The following LIPC variants were observed in gnomAD, a reference collection of about 807,000 sequenced individuals.
The protein encoded by LIPC is hepatic triacylglycerol lipase.
Under a neutral mutation model 50.7 loss-of-function variants are expected in LIPC, and 44 were observed. The observed-to-expected ratio is 0.87, with a 90% CI of 0.68 to 1.11. The LOEUF is 1.11. Among genes scored for constraint, LIPC ranks in the 50% most tolerant of loss-of-function variants. The pLI, the probability that LIPC is intolerant of heterozygous loss-of-function variation, is 0.00. For synonymous variants in LIPC, 271 were observed against 256.4 expected (o/e 1.06, Z -0.54); for missense variants, 697 against 648.2 (o/e 1.08, Z -0.82).
At position 58,561,094 on chromosome 15, in the gene LIPC, A is replaced by T. The variant is rs546538665; in HGVS notation, c.1169+113A>T. 8.4e-4 allele frequency: 631 copies of T among 754,476 alleles called. 2 individuals are homozygous for T. The African/African-American group carries it at 9.2e-3, about 11-fold the overall frequency. The allele number at this position is 754,476 out of a possible 1,614,324, so 46.7% of individuals were successfully genotyped here. A position where few individuals can be genotyped will look rare whatever the true frequency, so the allele number is the denominator to read the frequency against. ...GCCAGCTACAACTACTTTATTCCAG[A>T]CGCAAACCAAAAACTATCTGAGACA... On this transcript the variant is annotated intron_variant, in intron 7 of 8. Coordinates refer to ENST00000299022, the MANE Select transcript of LIPC (RefSeq NM_000236.3).
chr15:58,504,189 G>A (rs75820502), intron 1 of LIPC, among the ~76,000 whole-genome samples: 106 of 152,234 alleles, frequency 7.0e-4, no homozygotes, highest in African/African-American at 2.4e-3. Context: ...AAGATTCTAG[G>A]CCCACCAGCA....
intron 7 of LIPC, among the ~76,000 whole-genome samples, chr15:58,562,725 C>G (rs1487285495): frequency 6.6e-6 from 1 of 152,146 alleles, no homozygotes; most frequent in Non-Finnish European, 1.5e-5. Flanking sequence ...TCTGGATGCT[C>G]ACAACCTGGC....
chr15:58,495,995 A>G (rs1318232970), intron 1 of LIPC, among the ~76,000 whole-genome samples: 1 of 152,192 alleles, frequency 6.6e-6, no homozygotes, highest in Non-Finnish European at 1.5e-5. Context: ...TCCAGATAAG[A>G]AAAGGGAAGC....
At chr15:58,562,052 C>T (rs1894183321) in intron 7 of LIPC, among the ~76,000 whole-genome samples, 1 of 152,208 alleles carries the variant, frequency 6.6e-6, no homozygotes, top group Non-Finnish European at 1.5e-5. Context: ...CTAGCTCTTA[C>T]CTACAGCAGA....
chr15:58,463,917 C>A (rs1894443539), intron 1 of LIPC, among the ~76,000 whole-genome samples: 1 of 151,868 alleles, frequency 6.6e-6, no homozygotes, highest in Non-Finnish European at 1.5e-5. Flanking sequence ...CACTTCTGAC[C>A]CGAAAAGCAA....
At chr15:58,432,473 G>A (rs749525174) in intron 1 of LIPC, 5 of 318,226 alleles carry the variant, frequency 1.6e-5, no homozygotes, top group East Asian at 1.5e-4. Flanking sequence ...ATTTGCAACC[G>A]GGGAGCCAGG....
At chr15:58,469,378 T>C (rs1279335623) in intron 1 of LIPC, among the ~76,000 whole-genome samples, 1 of 152,142 alleles carries the variant, frequency 6.6e-6, no homozygotes, top group Admixed American at 6.5e-5. Context: ...TCTCAACCAT[T>C]TAGAGTACTG....
chr15:58,528,305 C>T (rs1892852832), intron 1 of LIPC, among the ~76,000 whole-genome samples: 2 of 152,180 alleles, frequency 1.3e-5, no homozygotes, highest in South Asian at 4.1e-4. Flanking sequence ...CTCACTCTCA[C>T]TTTTCTTTTT....
intron 8 of LIPC, among the ~76,000 whole-genome samples, chr15:58,564,386 C>T (rs1894286265): frequency 6.6e-6 from 1 of 151,992 alleles, no homozygotes; most frequent in African/African-American, 2.4e-5. Flanking sequence ...TCTCCCGTGG[C>T]CCCAAAGTCT....
At chr15:58,543,127 A>G (rs1893394541) in intron 4 of LIPC, among the ~76,000 whole-genome samples, 1 of 151,842 alleles carries the variant, frequency 6.6e-6, no homozygotes, top group Non-Finnish European at 1.5e-5. Context: ...CCAAAACTTC[A>G]CCCCAAACTC....
intron 1 of LIPC, among the ~76,000 whole-genome samples, chr15:58,503,046 G>A (rs1892038376): frequency 6.6e-6 from 1 of 151,104 alleles, no homozygotes; most frequent in Admixed American, 6.6e-5. Context: ...TTTATAATAT[G>A]TATAGGTGCT....
chr15:58,440,724 C>T (rs1411703233), intron 1 of LIPC, among the ~76,000 whole-genome samples: 3 of 152,112 alleles, frequency 2.0e-5, no homozygotes, highest in Non-Finnish European at 4.4e-5. Flanking sequence ...CCTGAGGCAG[C>T]GCAGGTTAGC....
chr15:58,530,030 G>A (rs186694008), intron 1 of LIPC, among the ~76,000 whole-genome samples: 12 of 152,366 alleles, frequency 7.9e-5, no homozygotes, highest in South Asian at 6.2e-4. Flanking sequence ...ACGGATTCTC[G>A]CCAGAGAACT....
At position 58,492,411 on chromosome 15, in the gene LIPC, T is replaced by C. The variant is rs963438459; in HGVS notation, c.89-45922T>C. Among the ~76,000 whole-genome samples, 17 of 152,228 alleles carry C rather than the reference T, an allele frequency of 1.1e-4. 1 individual carries two copies. The highest frequency in any genetic ancestry group is 2.1e-4 in the Non-Finnish European group (14 of 68,040). On this transcript the variant is annotated intron_variant, in intron 1 of 8. Transcript: ENST00000299022. ...ATATAAACACATTATAAAGCTGTAA[T>C]AGCTTATCTTTATTCTACTATGTGG...
At chr15:58,496,908 C>T (rs1191816614) in intron 1 of LIPC, among the ~76,000 whole-genome samples, 1 of 152,130 alleles carries the variant, frequency 6.6e-6, no homozygotes, top group African/African-American at 2.4e-5. Flanking sequence ...TGGTCTCCAA[C>T]CCCTGACCTC....
chr15:58,566,182 G>C, intron 8 of LIPC: 2 of 985,394 alleles, frequency 2.0e-6, no homozygotes, highest in Non-Finnish European at 2.4e-6. Context: ...TGAATAGTGA[G>C]AGTCCAGCAT....
chr15:58,440,944 C>G (rs1893487378), intron 1 of LIPC, among the ~76,000 whole-genome samples: 1 of 152,136 alleles, frequency 6.6e-6, no homozygotes, highest in Admixed American at 6.5e-5. Context: ...GAGGGAAGGA[C>G]AGGAAGGGCC....
rs35752762 is a variant in LIPC, at chr15:58,471,336, G to GGC, written c.88+39217_88+39218insCG. Among the ~76,000 whole-genome samples the GGC allele has an allele frequency of 7.8e-4, 105 of 135,072 alleles. 2 individuals carry two copies. The highest frequency in any genetic ancestry group is 6.4e-3 in the East Asian group (31 of 4,862). 88.6% of individuals were successfully genotyped at this position (135,072 alleles called of 152,430 possible). ...TGTATTTTTAGTAGAGATGGGGGGG[G>GGC]GTGGTCTCACCATGTTGGCCAAGCT... On this transcript the variant is annotated intron_variant, in intron 1 of 8. Coordinates refer to ENST00000299022, the MANE Select transcript of LIPC (RefSeq NM_000236.3).
In LIPC at chr15:58,480,532, T is replaced by A. The variant is rs971921010; in HGVS notation, c.88+48412T>A. 2.0e-5 allele frequency among the ~76,000 whole-genome samples: 3 copies of A among 152,110 alleles called. No individual in the cohort carries two copies. The East Asian group carries it at 5.8e-4, about 29-fold the overall frequency. ...TTGATCCCAAACCCCTGACCTCAAG[T>A]GATCCGCCCCCACCTTGGCCTCCCA... On this transcript the variant is annotated intron_variant, in intron 1 of 8. Transcript: ENST00000299022.
Sources: gnomAD v4.1 joint callset for allele counts (sites outside exome capture counted in the v4.1 genomes callset) on GRCh38, gnomAD v4.1.1 for gene constraint, MANE v1.5 for transcripts, NCBI Gene and HGNC (gene_info 2026-07-23, HGNC 2026-07-21) for gene names.